The following HHAT variants were observed in gnomAD, a reference collection of about 807,000 sequenced individuals.
HHAT encodes the protein hedgehog acyltransferase, also known as protein-cysteine N-palmitoyltransferase HHAT.
HHAT carries 47 observed loss-of-function variants against 70.8 expected under a neutral mutation model. The observed-to-expected ratio is 0.66, with a 90% CI of 0.53 to 0.85. The LOEUF (loss-of-function observed/expected upper bound fraction) is 0.85, where lower values mean the gene tolerates loss of function less well. HHAT is among the 40% of genes least tolerant of loss of function. HHAT has a pLI of 0.00. For missense variants in HHAT, 609 were observed against 604.8 expected, an observed-to-expected ratio of 1.01 and a Z score of -0.07; for synonymous variants, 228 against 247.6, an observed-to-expected ratio of 0.92 and a Z score of 0.74.
At position 210,464,355 on chromosome 1, in the gene HHAT, G is replaced by GT; in HGVS notation, c.857-149dup. 2.4e-5 allele frequency: 18 copies of GT among 754,260 alleles called. No individual in the cohort carries two copies. In the South Asian group the frequency reaches 2.7e-4, roughly 11 times the overall value. The allele number at this position is 754,260 out of a possible 1,614,324, so 46.7% of individuals were successfully genotyped here. On this transcript the variant is annotated intron_variant, in intron 7 of 11. Transcript: ENST00000261458. Reference sequence around the variant, plus strand: ...AAAAATTTCATTGAATAAAACCAGTGTGGAATACTTTTGTGAAATGTGCGA... The same window carrying GT: ...AAAAATTTCATTGAATAAAACCAGTGTTGGAATACTTTTGTGAAATGTGCGA...
chr1:210,390,059 C>T (rs2091352747), intron 4 of HHAT, among the ~76,000 whole-genome samples: 1 of 151,436 alleles, frequency 6.6e-6, no homozygotes, highest in Non-Finnish European at 1.5e-5. Context: ...AAAAGTGGGA[C>T]AAAGAGAAAG....
At chr1:210,469,635 A>G (rs983194699) in intron 8 of HHAT, among the ~76,000 whole-genome samples, 1 of 152,186 alleles carries the variant, frequency 6.6e-6, no homozygotes, top group Non-Finnish European at 1.5e-5. Flanking sequence ...ATTAATAATC[A>G]TTACAAATAG....
chr1:210,503,536 T>A (rs1396147598), intron 8 of HHAT, among the ~76,000 whole-genome samples: 1 of 152,216 alleles, frequency 6.6e-6, no homozygotes, highest in African/African-American at 2.4e-5. Flanking sequence ...CTTCTAAATC[T>A]TCTGTACCTA....
At chr1:210,666,566 C>A (rs1558392742) in intron 11 of HHAT, among the ~76,000 whole-genome samples, 3 of 152,298 alleles carry the variant, frequency 2.0e-5, no homozygotes, top group African/African-American at 7.2e-5. Context: ...TTGCTGTAAC[C>A]TTTGCCTCCC....
intron 7 of HHAT, among the ~76,000 whole-genome samples, chr1:210,449,573 CCT>C (rs1422532293): frequency 1.3e-5 from 2 of 152,184 alleles, no homozygotes; most frequent in African/African-American, 4.8e-5. Flanking sequence ...AGCTGCTTCC[CCT>C]GAGTCCTCAG....
chr1:210,668,826 T>C (rs1290541451), intron 11 of HHAT, among the ~76,000 whole-genome samples: 2 of 152,160 alleles, frequency 1.3e-5, no homozygotes, highest in Admixed American at 1.3e-4. Flanking sequence ...CAGGCTGGAG[T>C]GCAGTGGTGC....
intron 9 of HHAT, among the ~76,000 whole-genome samples, chr1:210,558,305 T>A (rs2095591104): frequency 6.6e-6 from 1 of 152,184 alleles, no homozygotes; most frequent in Admixed American, 6.5e-5. Flanking sequence ...TAGTGGGAGC[T>A]TTAAAATGAA....
chr1:210,460,004 G>C (rs1262116936), intron 7 of HHAT, among the ~76,000 whole-genome samples: 1 of 152,242 alleles, frequency 6.6e-6, no homozygotes, highest in East Asian at 1.9e-4. Flanking sequence ...GCTGCTGTCA[G>C]CTGGGAGCTC....
chr1:210,543,803 A>G (rs2069151), intron 9 of HHAT, among the ~76,000 whole-genome samples: 44,444 of 151,970 alleles, frequency 0.29, 6,604 homozygotes, highest in Middle Eastern at 0.38. Context: ...ATGGATGAGA[A>G]TCTAGCAACA....
chr1:210,337,526 G>T (rs763215038), intron 1 of HHAT, among the ~76,000 whole-genome samples: 1 of 152,068 alleles, frequency 6.6e-6, no homozygotes, highest in African/African-American at 2.4e-5. Flanking sequence ...TTTTGTTGTC[G>T]TTGCCTTTTC....
rs529151218 is a variant in HHAT, at chr1:210,487,788, G to A, written c.1007+23133G>A. ...GGAAATTTACATTTATGAAGGAAGT[G>A]CTCATTAATGTTCATTAGTAAAGGC... On this transcript the variant is annotated intron_variant, in intron 8 of 11. Transcript: ENST00000261458. 9.3e-4 allele frequency among the ~76,000 whole-genome samples: 142 copies of A among 152,274 alleles called. 1 individual carries two copies. Among genetic ancestry groups the A allele is most frequent in the Admixed American group, 2.2e-3 (34 of 15,296 alleles).
intron 9 of HHAT, among the ~76,000 whole-genome samples, chr1:210,530,599 GGAGACAAAGGCCGGGA>G (rs1233893415): frequency 6.6e-6 from 1 of 152,138 alleles, no homozygotes; most frequent in African/African-American, 2.4e-5. Flanking sequence ...AACGTGTTCT[GGAGACAAAGGCCGGGA>G]GAGATGGAGA....
chr1:210,465,704 G>A (rs1226331038), intron 8 of HHAT, among the ~76,000 whole-genome samples: 2 of 152,176 alleles, frequency 1.3e-5, no homozygotes, highest in Non-Finnish European at 2.9e-5. Flanking sequence ...CATATCTAAT[G>A]TTGCCATTCA....
intron 11 of HHAT, among the ~76,000 whole-genome samples, chr1:210,636,460 T>G (rs926619588): frequency 1.3e-5 from 2 of 152,192 alleles, no homozygotes; most frequent in Admixed American, 1.3e-4. Flanking sequence ...TCTTCTGCTA[T>G]CTTATCCCAA....
At chr1:210,473,303 A>G (rs1194706854) in intron 8 of HHAT, among the ~76,000 whole-genome samples, 1 of 152,180 alleles carries the variant, frequency 6.6e-6, no homozygotes, top group Non-Finnish European at 1.5e-5. Context: ...TTTAAGGTTA[A>G]TGCTGGTCAC....
At chr1:210,353,552 C>T (rs1250451038) in intron 2 of HHAT, among the ~76,000 whole-genome samples, 1 of 151,106 alleles carries the variant, frequency 6.6e-6, no homozygotes, top group Admixed American at 6.6e-5. Flanking sequence ...CCCATCTTGA[C>T]ATTTTATAGC....
chr1:210,464,362 A>G, intron 7 of HHAT, 143 bp from the exon 8 acceptor site: 1 of 773,518 alleles, frequency 1.3e-6, no homozygotes, highest in Non-Finnish European at 2.2e-6. Flanking sequence ...AGTGTGGAAT[A>G]CTTTTGTGAA....
intron 2 of HHAT, among the ~76,000 whole-genome samples, chr1:210,351,071 G>T (rs1428402433): frequency 6.6e-6 from 1 of 152,156 alleles, no homozygotes; most frequent in Non-Finnish European, 1.5e-5. Flanking sequence ...AGGCTGAGAA[G>T]TTCCATGATC....
chr1:210,453,322 G>A (rs1432180799), intron 7 of HHAT, among the ~76,000 whole-genome samples: 2 of 152,174 alleles, frequency 1.3e-5, no homozygotes, highest in Non-Finnish European at 2.9e-5. Flanking sequence ...TTAATGCAGT[G>A]TAAACCTAAA....
Sources: gnomAD v4.1 joint callset for allele counts (sites outside exome capture counted in the v4.1 genomes callset) on GRCh38, gnomAD v4.1.1 for gene constraint, MANE v1.5 for transcripts, NCBI Gene and HGNC (gene_info 2026-07-23, HGNC 2026-07-21) for gene names.